ZNF385D: variants seen among roughly 807,000 people sequenced by gnomAD.
ZNF385D encodes zinc finger protein 659.
ZNF385D carries 15 observed loss-of-function variants against 35.8 expected under a neutral mutation model. The ratio of observed to expected loss-of-function variants is 0.42; its 90% confidence interval spans 0.28 to 0.64. The LOEUF is 0.64. Ranked by LOEUF, ZNF385D falls within the 30% of genes least tolerant of loss-of-function variation. ZNF385D has a pLI of 0.23. For missense variants in ZNF385D, 474 were observed against 494.6 expected (o/e 0.96, Z 0.39); for synonymous variants, 212 against 186.8 (o/e 1.13, Z -1.10).
chr3:21,829,928 G>A (rs559851493), intron 3 of ZNF385D, among the ~76,000 whole-genome samples: 8 of 151,944 alleles, frequency 5.3e-5, no homozygotes, highest in Middle Eastern at 3.4e-3. Flanking sequence ...GTTCAAGAGC[G>A]GCCTGGCCAA....
intron 2 of ZNF385D, among the ~76,000 whole-genome samples, chr3:22,329,838 T>C (rs973165012): frequency 6.6e-6 from 1 of 152,224 alleles, no homozygotes; most frequent in African/African-American, 2.4e-5. Context: ...ATAATTGACA[T>C]AAAAATTATT....
chr3:22,298,775 T>C (rs144968939), intron 2 of ZNF385D, among the ~76,000 whole-genome samples: 4 of 151,516 alleles, frequency 2.6e-5, no homozygotes, highest in East Asian at 1.9e-4. Flanking sequence ...ATTAAAATGA[T>C]AAAAAACACT....
chr3:21,782,493 G>T (rs140828579), intron 3 of ZNF385D, among the ~76,000 whole-genome samples: 2 of 152,040 alleles, frequency 1.3e-5, no homozygotes, highest in Admixed American at 6.6e-5. Context: ...TCTAGAATTT[G>T]ATCATTTTAA....
At position 22,076,570 on chromosome 3, in the gene ZNF385D, G is replaced by A. The variant is rs146245879; in HGVS notation, c.325+92247C>T. On this transcript the variant is annotated intron_variant, in intron 3 of 5. Transcript: ENST00000494108. The stretch of plus-strand genomic sequence containing the variant: ...CTATATAATCACAAACTACAATTAC[G>A]TATCTATTTGTAATTGTTTATGTTT... Among the ~76,000 whole-genome samples, 1,491 of 151,788 alleles carry A rather than the reference G, an allele frequency of 9.8e-3. 25 individuals are homozygous for A. Among genetic ancestry groups the A allele is most frequent in the African/African-American group, 0.034 (1,390 of 41,422 alleles).
chr3:21,414,193 C>T lies in ZNF385D; in HGVS notation c.*7021G>A, dbSNP rs1700530386. On this transcript the variant is annotated 3_prime_UTR_variant, in exon 8 of 8. Transcript: ENST00000281523. ...TAAAAATTGCTGTGGATTTACAAAA[C>T]AAAACAAAACAAAACAAAACAAAAC... The T allele has an allele frequency of 9.1e-6, 1 of 110,232 alleles. No homozygotes were observed. The highest frequency in any genetic ancestry group is 3.0e-4 in the South Asian group (1 of 3,288). 6.8% of individuals were successfully genotyped at this position (110,232 alleles called of 1,614,324 possible). A position where few individuals can be genotyped will look rare whatever the true frequency, so the allele number is the denominator to read the frequency against.
chr3:22,168,984 T>C, exon 3 of ZNF385D: 2 of 985,816 alleles, frequency 2.0e-6, no homozygotes, highest in South Asian at 9.4e-5. Context: ...TTCTTCAAAG[T>C]CATCAGGTAT....
intron 2 of ZNF385D, among the ~76,000 whole-genome samples, chr3:21,656,726 A>T (rs1575408536): frequency 6.6e-6 from 1 of 151,916 alleles, no homozygotes; most frequent in South Asian, 2.1e-4. Context: ...GTTTTCTCTT[A>T]GTTTTGCCAT....
At chr3:21,815,339 C>T (rs1323125191) in intron 3 of ZNF385D, among the ~76,000 whole-genome samples, 1 of 152,012 alleles carries the variant, frequency 6.6e-6, no homozygotes, top group Non-Finnish European at 1.5e-5. Flanking sequence ...AAGATCAGAG[C>T]AGAACTGAAG....
At chr3:22,237,193 T>C (rs537033262) in intron 2 of ZNF385D, among the ~76,000 whole-genome samples, 1 of 38,324 alleles carries the variant, frequency 2.6e-5, no homozygotes, top group African/African-American at 2.1e-4. Context: ...ATAGTTAATA[T>C]CCTTTTTTTT....
intron 2 of ZNF385D, among the ~76,000 whole-genome samples, chr3:22,272,732 T>C (rs9819990): frequency 0.071 from 10,789 of 152,092 alleles, 642 homozygotes; most frequent in African/African-American, 0.17. Context: ...TTAGACTGTA[T>C]GTAAATAATT....
At chr3:22,339,578 T>C (rs975980620) in intron 2 of ZNF385D, among the ~76,000 whole-genome samples, 1 of 152,334 alleles carries the variant, frequency 6.6e-6, no homozygotes, top group South Asian at 2.1e-4. Context: ...CACTTTTCTA[T>C]TAACCTTTTC....
intron 3 of ZNF385D, among the ~76,000 whole-genome samples, chr3:21,900,355 GATCA>G (rs1197921778): frequency 6.6e-6 from 1 of 152,106 alleles, no homozygotes; most frequent in African/African-American, 2.4e-5. Flanking sequence ...AATATTTTCA[GATCA>G]ATGGAAGAAA....
intron 3 of ZNF385D, among the ~76,000 whole-genome samples, chr3:22,090,958 A>G (rs1042937153): frequency 5.9e-5 from 9 of 152,312 alleles, no homozygotes; most frequent in Middle Eastern, 3.4e-3. Flanking sequence ...GGTATACACC[A>G]TACAAAAAGA....
At chr3:21,697,190 TG>T (rs2067501177) in intron 1 of ZNF385D, among the ~76,000 whole-genome samples, 1 of 152,134 alleles carries the variant, frequency 6.6e-6, no homozygotes, top group South Asian at 2.1e-4. Flanking sequence ...AGCTACTTCA[TG>T]AGATTCCTAT....
intron 2 of ZNF385D, among the ~76,000 whole-genome samples, chr3:22,224,517 G>A (rs1262948054): frequency 6.6e-6 from 1 of 152,128 alleles, no homozygotes; most frequent in Non-Finnish European, 1.5e-5. Flanking sequence ...ACAACCCACA[G>A]TGTATATTAA....
At chr3:21,798,616 C>T (rs146018032) in intron 3 of ZNF385D, among the ~76,000 whole-genome samples, 2,188 of 152,174 alleles carry the variant, frequency 0.014, 30 homozygotes, top group African/African-American at 0.028. Context: ...TAATTAGAAA[C>T]CTTATTTATA....
At chr3:21,437,456 G>A (rs1011358224) in intron 4 of ZNF385D, among the ~76,000 whole-genome samples, 5 of 151,466 alleles carry the variant, frequency 3.3e-5, no homozygotes, top group Non-Finnish European at 7.4e-5. Context: ...TATTCTATGG[G>A]GTAAATATCC....
intron 2 of ZNF385D, among the ~76,000 whole-genome samples, chr3:22,180,914 C>CTTTTGTTCTTTTTTTTTTTTTTTTTTTT (rs1695209879): frequency 2.7e-5 from 3 of 113,010 alleles, no homozygotes; most frequent in African/African-American, 8.4e-5. Context: ...TGCTTTTGTT[C>CTTTTGTTCTTTTTTTTTTTTTTTTTTTT]TTTTTTTTTT....
At chr3:22,124,230 T>C (rs1703292422) in intron 3 of ZNF385D, among the ~76,000 whole-genome samples, 2 of 152,048 alleles carry the variant, frequency 1.3e-5, no homozygotes, top group Non-Finnish European at 2.9e-5. Flanking sequence ...TCCTTCAGCT[T>C]CATCCATGCT....
Sources: gnomAD v4.1 joint callset for allele counts (sites outside exome capture counted in the v4.1 genomes callset) on GRCh38, gnomAD v4.1.1 for gene constraint, MANE v1.5 for transcripts, NCBI Gene and HGNC (gene_info 2026-07-23, HGNC 2026-07-21) for gene names.